The following LARS2 variants were observed in gnomAD, a reference collection of about 807,000 sequenced individuals.
LARS2 encodes the protein leucine--tRNA ligase, mitochondrial.
In LARS2, 81 loss-of-function variants were observed where a neutral mutation model predicts 116.6. The observed-to-expected ratio is 0.69, with a 90% CI of 0.58 to 0.84. The LOEUF is 0.84. Among genes scored for constraint, LARS2 ranks in the 40% least tolerant of loss-of-function variants. The pLI, the probability that LARS2 is intolerant of heterozygous loss-of-function variation, is 0.00. For missense variants in LARS2, 968 were observed against 1,114.5 expected (o/e 0.87, Z 1.87); for synonymous variants, 396 against 407.2 (o/e 0.97, Z 0.33).
At chr3:45,506,556 C>A (rs1000427786) in intron 15 of LARS2, among the ~76,000 whole-genome samples, 1 of 152,060 alleles carries the variant, frequency 6.6e-6, no homozygotes, top group Non-Finnish European at 1.5e-5. Context: ...TTTCAGGAGG[C>A]TATTTGAGAT....
intron 6 of LARS2, among the ~76,000 whole-genome samples, chr3:45,422,959 G>A (rs534070081): frequency 3.3e-5 from 5 of 152,194 alleles, no homozygotes; most frequent in East Asian, 3.9e-4. Flanking sequence ...TGCATAACTC[G>A]TATTTATTTT....
chr3:45,427,056 T>C (rs1360808218), intron 6 of LARS2, among the ~76,000 whole-genome samples: 2 of 152,132 alleles, frequency 1.3e-5, no homozygotes, highest in Non-Finnish European at 2.9e-5. Context: ...AGGGAATGCT[T>C]CTTGTCATAA....
intron 13 of LARS2, among the ~76,000 whole-genome samples, chr3:45,495,038 A>T (rs1283880778): frequency 1.3e-5 from 2 of 152,214 alleles, no homozygotes; most frequent in Non-Finnish European, 2.9e-5. Flanking sequence ...ACTGCACTCC[A>T]GCCCAGGTGA....
chr3:45,496,451 A>T, intron 14 of LARS2, 78 bp downstream of exon 14: 1 of 1,047,562 alleles, frequency 9.5e-7, no homozygotes. Context: ...ATGGAATTAG[A>T]CATGCAAGAG....
In LARS2 at chr3:45,491,612, A is replaced by G. The variant is rs1283174328; in HGVS notation, c.1335A>G (p.Lys445=). 1.2e-6 allele frequency: 2 copies of G among 1,614,218 alleles called. No homozygotes were observed. The change falls in exon 13 of 22, where the codon AAA becomes AAG. Residue 445 remains lysine (K), a synonymous_variant. Coordinates refer to ENST00000645846, the MANE Select transcript of LARS2 (RefSeq NM_015340.4). ...GAGACGTGACAAGTGATAAACTGAA[A>G]GACTGGCTGATTTCACGGCAGCGGT... ...VGGDVTSDKL[K]DWLISRQRYW... is the part of the protein sequence containing the mutation.
At position 45,400,821 on chromosome 3, in the gene LARS2, CT is replaced by C. The variant is rs1261028234; in HGVS notation, c.363+458del. The stretch of plus-strand genomic sequence containing the variant: ...TATTCTTTGAGCATGTATTTCTTTT[CT>C]TTTTTTTTTGAGGCGGAGTCTTGCT... On this transcript the variant is annotated intron_variant, in intron 4 of 21. Transcript: ENST00000645846. 5.4e-5 allele frequency among the ~76,000 whole-genome samples: 8 copies of C among 149,292 alleles called. No homozygotes were observed. The East Asian group carries it at 5.9e-4, about 11-fold the overall frequency.
At chr3:45,502,774 A>C (rs1700141482) in intron 15 of LARS2, among the ~76,000 whole-genome samples, 1 of 151,936 alleles carries the variant, frequency 6.6e-6, no homozygotes, top group South Asian at 2.1e-4. Flanking sequence ...TGATTAACCC[A>C]TTCTTTGAGT....
rs758959761 is a variant in LARS2 at position 45,483,463 on chromosome 3, A to G, written c.1019-2229A>G. Among the ~76,000 whole-genome samples the G allele has an allele frequency of 5.9e-5, 9 of 152,294 alleles. No individual in the cohort carries two copies. The East Asian group carries it at 1.5e-3, about 26-fold the overall frequency. On this transcript the variant is annotated intron_variant, in intron 10 of 21. Transcript: ENST00000645846. ...CAGGAGTTCGAGACCAGCCTGGCCAACATGGTGAAACCCCATCTCTACTAA... is the reference window on the plus strand; with the variant it reads ...CAGGAGTTCGAGACCAGCCTGGCCAGCATGGTGAAACCCCATCTCTACTAA...
At chr3:45,432,937 C>A (rs1167343420) in intron 6 of LARS2, among the ~76,000 whole-genome samples, 3 of 151,884 alleles carry the variant, frequency 2.0e-5, no homozygotes, top group Non-Finnish European at 4.4e-5. Context: ...TAGTAATTTT[C>A]TTTGGTCTGA....
chr3:45,503,724 C>T (rs898017029), intron 15 of LARS2, among the ~76,000 whole-genome samples: 1 of 150,994 alleles, frequency 6.6e-6, no homozygotes, highest in African/African-American at 2.4e-5. Flanking sequence ...ACTACAACAT[C>T]CTTTAGAATA....
At chr3:45,406,519 A>G (rs1698234201) in intron 4 of LARS2, among the ~76,000 whole-genome samples, 1 of 152,146 alleles carries the variant, frequency 6.6e-6, no homozygotes, top group Admixed American at 6.5e-5. Context: ...AGCTGAGCAG[A>G]CACACACAGA....
intron 8 of LARS2, among the ~76,000 whole-genome samples, chr3:45,463,610 A>C (rs1365805142): frequency 6.6e-6 from 1 of 151,742 alleles, no homozygotes; most frequent in Non-Finnish European, 1.5e-5. Context: ...TGGGGATTCA[A>C]ATCTGAGCAG....
At chr3:45,532,557 CT>C (rs1381031645) in intron 20 of LARS2, among the ~76,000 whole-genome samples, 1 of 152,194 alleles carries the variant, frequency 6.6e-6, no homozygotes, top group East Asian at 1.9e-4. Flanking sequence ...AGTTATTTTA[CT>C]AAGACTAGCT....
intron 7 of LARS2, among the ~76,000 whole-genome samples, chr3:45,453,213 G>A (rs1699162420): frequency 1.3e-5 from 2 of 151,568 alleles, no homozygotes; most frequent in South Asian, 4.2e-4. Context: ...CTAATTTTGG[G>A]TTTGGTTTGT....
At chr3:45,419,601 C>T (rs1698483332) in intron 5 of LARS2, 68 bp from the exon 6 acceptor site, 1 of 1,038,464 alleles carries the variant, frequency 9.6e-7, no homozygotes, top group Admixed American at 2.0e-5. Flanking sequence ...TTTACATTCT[C>T]AAAGTGTAGT....
At chr3:45,496,514 G>A in intron 14 of LARS2, 141 bp downstream of exon 14, 3 of 699,104 alleles carry the variant, frequency 4.3e-6, no homozygotes, top group Non-Finnish European at 7.6e-6. Flanking sequence ...AGGAGGAGTG[G>A]GCAGAGAGTG....
rs1469355383 is a variant in LARS2, at chr3:45,496,317, C to T, written c.1566C>T (p.Thr522=). The T allele has an allele frequency of 6.2e-7, 1 of 1,614,064 alleles. No individual in the cohort carries two copies. The highest frequency in any genetic ancestry group is 1.6e-4 in the Middle Eastern group (1 of 6,062). The change falls in exon 14 of 22, where the codon ACC becomes ACT. Residue 522 remains threonine (T), a synonymous_variant. Transcript: ENST00000645846. The part of the protein sequence containing the change: ...AAKRETDTMD[T]FVDSAWYYFR... The stretch of plus-strand genomic sequence containing the variant: ...AGAGAGAGACAGACACGATGGATAC[C>T]TTTGTTGATTCTGCTTGGTACTACT...
chr3:45,479,183 G>T (rs1699659872), intron 10 of LARS2, among the ~76,000 whole-genome samples: 1 of 152,148 alleles, frequency 6.6e-6, no homozygotes, highest in African/African-American at 2.4e-5. Flanking sequence ...CAAGATTCTG[G>T]TCCTAGAGCC....
chr3:45,533,212 G>A (rs944720912), intron 20 of LARS2, among the ~76,000 whole-genome samples: 3 of 129,468 alleles, frequency 2.3e-5, no homozygotes, highest in Non-Finnish European at 4.8e-5. Flanking sequence ...GTGCAGTGGC[G>A]CGATCTCGGC....
Sources: allele counts gnomAD v4.1 joint callset (sites outside exome capture counted in the v4.1 genomes callset), GRCh38; gene constraint gnomAD v4.1.1; transcripts MANE v1.5; gene names NCBI Gene and HGNC (gene_info 2026-07-23, HGNC 2026-07-21).